SEMA6D: variants seen among roughly 807,000 people sequenced by gnomAD.
SEMA6D encodes semaphorin-6D.
In SEMA6D, 35 loss-of-function variants were observed where a neutral mutation model predicts 106.6. That is an observed-to-expected ratio of 0.33 (90% confidence interval 0.25 to 0.44). SEMA6D has a LOEUF of 0.44. SEMA6D is among the 20% of genes least tolerant of loss of function. SEMA6D has a pLI of 1.00. For missense variants in SEMA6D, 1,185 were observed against 1,345.9 expected, an observed-to-expected ratio of 0.88 and a Z score of 1.87; for synonymous variants, 499 against 487.7, an observed-to-expected ratio of 1.02 and a Z score of -0.31.
intron 1 of SEMA6D, among the ~76,000 whole-genome samples, chr15:47,233,924 T>G (rs940527306): frequency 6.6e-6 from 1 of 152,016 alleles, no homozygotes; most frequent in Non-Finnish European, 1.5e-5. Flanking sequence ...TCTTGTCTTA[T>G]TGCATTAGCT....
At chr15:47,322,687 A>G (rs918951139) in intron 1 of SEMA6D, among the ~76,000 whole-genome samples, 9 of 152,178 alleles carry the variant, frequency 5.9e-5, no homozygotes, top group African/African-American at 2.2e-4. Context: ...ATTGATAAAT[A>G]TCTTGGGGGA....
At chr15:47,246,787 C>G (rs973106344) in intron 1 of SEMA6D, among the ~76,000 whole-genome samples, 7 of 152,162 alleles carry the variant, frequency 4.6e-5, no homozygotes, top group African/African-American at 1.7e-4. Context: ...GTTGCTTTTG[C>G]CATTCTGAGA....
intron 1 of SEMA6D, among the ~76,000 whole-genome samples, chr15:47,294,541 C>T (rs897362863): frequency 1.3e-5 from 2 of 152,132 alleles, no homozygotes; most frequent in African/African-American, 4.8e-5. Flanking sequence ...TTTCTCAAAC[C>T]TAAGAAATAA....
intron 4 of SEMA6D, among the ~76,000 whole-genome samples, chr15:47,691,377 G>A (rs943705550): frequency 2.6e-5 from 4 of 152,076 alleles, no homozygotes; most frequent in African/African-American, 7.2e-5. Context: ...GAGGTGGTAG[G>A]CAGTATAAAT....
chr15:47,660,544 A>G (rs780475185), intron 4 of SEMA6D, among the ~76,000 whole-genome samples: 2 of 152,148 alleles, frequency 1.3e-5, no homozygotes, highest in Non-Finnish European at 2.9e-5. Flanking sequence ...CTATTTGCCT[A>G]TTTCTGGATA....
intron 1 of SEMA6D, among the ~76,000 whole-genome samples, chr15:47,292,391 T>G (rs1364900687): frequency 6.6e-6 from 1 of 152,230 alleles, no homozygotes; most frequent in Non-Finnish European, 1.5e-5. Flanking sequence ...GAAGACTTAA[T>G]AAGTTTACTT....
At chr15:47,366,186 C>T (rs765427873) in intron 1 of SEMA6D, among the ~76,000 whole-genome samples, 1 of 152,218 alleles carries the variant, frequency 6.6e-6, no homozygotes, top group Non-Finnish European at 1.5e-5. Context: ...CCCTGTGCCA[C>T]AGCTCTTAGT....
At chr15:47,227,466 T>TTTC (rs375147955) in intron 1 of SEMA6D, among the ~76,000 whole-genome samples, 49 of 55,338 alleles carry the variant, frequency 8.9e-4, no homozygotes, top group African/African-American at 3.8e-3. Context: ...TTTTCTTTCT[T>TTTC]TTTCTTTCTC....
chr15:47,312,798 A>G (rs2036501309), intron 1 of SEMA6D, among the ~76,000 whole-genome samples: 1 of 152,148 alleles, frequency 6.6e-6, no homozygotes, highest in African/African-American at 2.4e-5. Context: ...TTAGTGTGAT[A>G]TTTTACTTTT....
intron 3 of SEMA6D, among the ~76,000 whole-genome samples, chr15:47,549,627 T>A (rs960620968): frequency 4.1e-5 from 6 of 145,460 alleles, no homozygotes; most frequent in Admixed American, 4.1e-4. Context: ...TCACCATGGG[T>A]TTTTTTTTGG....
intron 1 of SEMA6D, among the ~76,000 whole-genome samples, chr15:47,257,267 T>C (rs193252131): frequency 0.012 from 1,813 of 152,154 alleles, 34 homozygotes; most frequent in Admixed American, 0.013. Context: ...CCATGTTAGC[T>C]AGTATGGTCT....
intron 2 of SEMA6D, among the ~76,000 whole-genome samples, chr15:47,462,784 G>A (rs2042553383): frequency 6.6e-6 from 1 of 152,072 alleles, no homozygotes; most frequent in Admixed American, 6.6e-5. Flanking sequence ...CAAGAGTGCA[G>A]GTAATTTTAT....
At chr15:47,195,018 A>G (rs923854739) in intron 1 of SEMA6D, among the ~76,000 whole-genome samples, 10 of 152,206 alleles carry the variant, frequency 6.6e-5, no homozygotes, top group Non-Finnish European at 1.5e-4. Context: ...CCACCAAGTT[A>G]CGTAAAGGAA....
chr15:47,276,184 A>G lies in SEMA6D; in HGVS notation c.-239+91766A>G, dbSNP rs1198636100. ...CTGTAACATAACATAAAAGGTCTCC[A>G]TAACATAAAATGTCAAAGTGAAGCA... On this transcript the variant is annotated intron_variant, in intron 1 of 19. Coordinates refer to the SEMA6D transcript ENST00000558014. Among the ~76,000 whole-genome samples the G allele has an allele frequency of 1.3e-5, 2 of 152,192 alleles. 1 individual carries two copies. The highest frequency in any genetic ancestry group is 1.3e-4 in the Admixed American group (2 of 15,260).
intron 1 of SEMA6D, among the ~76,000 whole-genome samples, chr15:47,198,198 AG>A (rs1347731512): frequency 6.6e-6 from 1 of 152,120 alleles, no homozygotes; most frequent in Non-Finnish European, 1.5e-5. Context: ...GAGGGTGGGA[AG>A]ATCTTGGTCA....
At chr15:47,490,490 T>A (rs2043439266) in intron 3 of SEMA6D, among the ~76,000 whole-genome samples, 2 of 151,812 alleles carry the variant, frequency 1.3e-5, no homozygotes, top group African/African-American at 4.8e-5. Context: ...CTAAAAAATA[T>A]AAAAATTAGC....
At chr15:47,762,947 T>G in intron 8 of SEMA6D, 69 bp from the exon 9 acceptor site, 4 of 1,147,852 alleles carry the variant, frequency 3.5e-6, no homozygotes, top group Non-Finnish European at 3.7e-6. Flanking sequence ...CAGTCATGCT[T>G]TGCAGTCGGG....
intron 3 of SEMA6D, among the ~76,000 whole-genome samples, chr15:47,522,445 GT>G (rs1401066772): frequency 6.6e-6 from 1 of 152,180 alleles, no homozygotes; most frequent in African/African-American, 2.4e-5. Context: ...ATGAGGTAAT[GT>G]ACCTGGCCTG....
chr15:47,450,041 G>C (rs1005475887), intron 2 of SEMA6D, among the ~76,000 whole-genome samples: 5 of 152,118 alleles, frequency 3.3e-5, no homozygotes, highest in Non-Finnish European at 5.9e-5. Flanking sequence ...GTACATAGGG[G>C]ATAGTTGGGC....
Sources: allele counts gnomAD v4.1 joint callset (sites outside exome capture counted in the v4.1 genomes callset), GRCh38; gene constraint gnomAD v4.1.1; transcripts MANE v1.5; gene names NCBI Gene and HGNC (gene_info 2026-07-23, HGNC 2026-07-21).